Variants in RTN1 observed in about 807,000 individuals in gnomAD.
RTN1 encodes reticulon-1.
A neutral mutation model predicts 65.5 loss-of-function variants in RTN1; 25 were observed. The observed-to-expected ratio is 0.38, with a 90% CI of 0.28 to 0.53. The LOEUF (loss-of-function observed/expected upper bound fraction) is 0.53. Among genes scored for constraint, RTN1 ranks in the 20% least tolerant of loss-of-function variants. The pLI is 0.79. For synonymous variants in RTN1, 471 were observed against 447.6 expected (o/e 1.05, Z -0.66); for missense variants, 983 against 1,025.4 (o/e 0.96, Z 0.57).
At chr14:59,853,995 G>C (rs1470122983) in intron 1 of RTN1, among the ~76,000 whole-genome samples, 1 of 151,142 alleles carries the variant, frequency 6.6e-6, no homozygotes, top group Non-Finnish European at 1.5e-5. Context: ...CTCACAAGTA[G>C]CTGGGACTAT....
At chr14:59,647,396 C>A (rs1882922102) in intron 3 of RTN1, among the ~76,000 whole-genome samples, 1 of 152,138 alleles carries the variant, frequency 6.6e-6, no homozygotes, top group Non-Finnish European at 1.5e-5. Context: ...ATGATCAAGG[C>A]AGAAAATTAA....
At chr14:59,710,917 T>A (rs1355975027) in intron 3 of RTN1, among the ~76,000 whole-genome samples, 3 of 152,250 alleles carry the variant, frequency 2.0e-5, no homozygotes, top group Non-Finnish European at 4.4e-5. Context: ...CTTAAAAGCA[T>A]TATTCAATTT....
At chr14:59,639,064 T>TG (rs142490035) in intron 3 of RTN1, among the ~76,000 whole-genome samples, 2,725 of 152,318 alleles carry the variant, frequency 0.018, 76 homozygotes, top group African/African-American at 0.061. Flanking sequence ...GGTTATTCAT[T>TG]GGCCTAACCG....
chr14:59,722,793 TA>T (rs1199055342), intron 3 of RTN1, among the ~76,000 whole-genome samples: 1 of 150,920 alleles, frequency 6.6e-6, no homozygotes, highest in Non-Finnish European at 1.5e-5. Context: ...AGGGAACTTT[TA>T]ACTTTTTTTT....
At chr14:59,670,012 T>A (rs1436093992) in intron 3 of RTN1, among the ~76,000 whole-genome samples, 1 of 152,238 alleles carries the variant, frequency 6.6e-6, no homozygotes, top group East Asian at 1.9e-4. Context: ...TCATCATTGA[T>A]CACTTTGAAA....
chr14:59,646,438 A>G (rs1247213467), intron 3 of RTN1, among the ~76,000 whole-genome samples: 3 of 152,228 alleles, frequency 2.0e-5, no homozygotes, highest in Admixed American at 1.3e-4. Flanking sequence ...AGAGGCCAAC[A>G]GTCAAATTCA....
chr14:59,706,836 T>C (rs552771782), intron 3 of RTN1, among the ~76,000 whole-genome samples: 2 of 152,344 alleles, frequency 1.3e-5, no homozygotes, highest in South Asian at 2.1e-4. Context: ...TGAAATCCAA[T>C]AGCACTTAGG....
intron 2 of RTN1, among the ~76,000 whole-genome samples, chr14:59,742,129 A>T (rs1466429286): frequency 6.6e-6 from 1 of 152,210 alleles, no homozygotes; most frequent in Non-Finnish European, 1.5e-5. Flanking sequence ...GAATTTTAAA[A>T]ATGGGTAGGA....
chr14:59,792,753 G>A (rs1352563244), intron 1 of RTN1, among the ~76,000 whole-genome samples: 4 of 152,066 alleles, frequency 2.6e-5, no homozygotes, highest in African/African-American at 9.7e-5. Flanking sequence ...TTGTAAAACA[G>A]GATGTTTCAG....
At chr14:59,778,064 A>C (rs1886087464) in intron 1 of RTN1, among the ~76,000 whole-genome samples, 1 of 152,046 alleles carries the variant, frequency 6.6e-6, no homozygotes, top group African/African-American at 2.4e-5. Context: ...CTGCTTAAAA[A>C]AATGCTTTCC....
Position 59,794,859 on chromosome 14 carries a change from T to C in RTN1, c.242-48378A>G, listed in dbSNP as rs117780966. ...CTAAATAGGAGGCTGAGATATGTCA[T>C]TTTTATCTAGGTATCCAAATGTCTA... On this transcript the variant is annotated intron_variant, in intron 1 of 8. Transcript: ENST00000267484. The surrounding 1 kb of genome is among the most constrained non-coding windows in gnomAD (Gnocchi z 5.1). 8.3e-3 allele frequency among the ~76,000 whole-genome samples: 1,271 copies of C among 152,336 alleles called. 11 individuals carry two copies. The highest frequency in any genetic ancestry group is 0.014 in the Non-Finnish European group (927 of 68,026).
At chr14:59,642,131 G>T (rs76453216) in intron 3 of RTN1, among the ~76,000 whole-genome samples, 2,722 of 152,110 alleles carry the variant, frequency 0.018, 74 homozygotes, top group African/African-American at 0.061. Context: ...TAATTTGGCA[G>T]TTTTTTTCTT....
chr14:59,646,051 G>A (rs1043919447), intron 3 of RTN1, among the ~76,000 whole-genome samples: 3 of 152,074 alleles, frequency 2.0e-5, no homozygotes, highest in Admixed American at 6.6e-5. Flanking sequence ...AATCCAATCC[G>A]AGAAAACTAA....
At chr14:59,831,848 ACT>A (rs1887130336) in intron 1 of RTN1, among the ~76,000 whole-genome samples, 1 of 150,222 alleles carries the variant, frequency 6.7e-6, no homozygotes, top group Non-Finnish European at 1.5e-5. Flanking sequence ...TTCCCCCCTC[ACT>A]CTCTGTGGCA....
intron 3 of RTN1, among the ~76,000 whole-genome samples, chr14:59,725,937 A>G (rs1884748537): frequency 6.6e-6 from 1 of 152,244 alleles, no homozygotes; most frequent in Non-Finnish European, 1.5e-5. Flanking sequence ...CTTCTAAAGG[A>G]AAGAAAAGTA....
At chr14:59,634,217 G>A (rs1169373796) in intron 3 of RTN1, among the ~76,000 whole-genome samples, 1 of 152,078 alleles carries the variant, frequency 6.6e-6, no homozygotes, top group Admixed American at 6.6e-5. Flanking sequence ...AAGATATATG[G>A]GAGAAGAACA....
At chr14:59,786,680 A>G (rs561462317) in intron 1 of RTN1, among the ~76,000 whole-genome samples, 21 of 152,190 alleles carry the variant, frequency 1.4e-4, no homozygotes, top group Non-Finnish European at 2.2e-4. Context: ...GCAAAAATAT[A>G]TAACCTATAG....
At chr14:59,807,672 T>C (rs943760981) in intron 1 of RTN1, among the ~76,000 whole-genome samples, 2 of 152,198 alleles carry the variant, frequency 1.3e-5, no homozygotes, top group African/African-American at 4.8e-5. Context: ...GCTTTAACTT[T>C]AGATGGAACT....
At chr14:59,712,952 C>T (rs1289477267) in intron 3 of RTN1, among the ~76,000 whole-genome samples, 1 of 151,748 alleles carries the variant, frequency 6.6e-6, no homozygotes, top group Admixed American at 6.6e-5. Flanking sequence ...TTAGATTCTC[C>T]CAAAGCCCCA....
Sources: gnomAD v4.1 joint callset for allele counts (sites outside exome capture counted in the v4.1 genomes callset) on GRCh38, gnomAD v4.1.1 for gene constraint, Gnocchi (gnomAD v3.1) non-coding constraint, MANE v1.5 for transcripts, NCBI Gene and HGNC (gene_info 2026-07-23, HGNC 2026-07-21) for gene names.